Variants in ZSWIM4 observed in about 807,000 individuals in gnomAD.
The protein encoded by ZSWIM4 is zinc finger SWIM-type containing 4.
In ZSWIM4, 62 loss-of-function variants were observed where a neutral mutation model predicts 102.5. That is an observed-to-expected ratio of 0.60 (90% CI 0.49 to 0.75). ZSWIM4 has a LOEUF of 0.75. Among genes scored for constraint, ZSWIM4 ranks in the 30% least tolerant of loss-of-function variants. ZSWIM4 has a pLI of 0.00. For missense variants in ZSWIM4, 1,280 were observed against 1,529.6 expected, an observed-to-expected ratio of 0.84 and a Z score of 2.72; for synonymous variants, 652 against 674.5, an observed-to-expected ratio of 0.97 and a Z score of 0.52.
In ZSWIM4 at chr19:13,830,668, CTG is replaced by C. The variant is rs1405239140; in HGVS notation, c.2940_2941del (p.Ala981HisfsTer184). ...CACTCCCTGGGCCGGCACGAGCTCT[CTG>C]CCATCGTCCCCCTCATCATTCGCAG... On this transcript the variant is annotated frameshift_variant, in exon 14 of 14. Transcript: ENST00000590508. LOFTEE classifies it high-confidence loss of function. The C allele has an allele frequency of 6.2e-7, 1 of 1,604,074 alleles. No homozygotes were observed. The highest frequency in any genetic ancestry group is 1.7e-5 in the Admixed American group (1 of 60,002).
chr19:13,817,089 C>T, intron 7 of ZSWIM4, 127 bp from the exon 8 acceptor site: 1 of 1,336,404 alleles, frequency 7.5e-7, no homozygotes. Flanking sequence ...TTGAAGGTGA[C>T]CATTGGGTGA....
Position 13,813,088 on chromosome 19 carries a change from C to G in ZSWIM4, c.1104C>G (p.Leu368=), listed in dbSNP as rs141101449. 1.9e-6 allele frequency: 3 copies of G among 1,613,942 alleles called. No homozygotes were observed. Among genetic ancestry groups the G allele is most frequent in the South Asian group, 2.2e-5 (2 of 91,054 alleles). Residue 368 remains leucine, a synonymous_variant, in exon 6 of 14, where the codon CTC becomes CTG. Transcript: ENST00000590508. The part of the protein sequence containing the change: ...WLQLLSRWDK[L]DVCPLEEGNY... ...AGCTACTCAGCAGGTGGGACAAGCT[C>G]GACGTCTGCCCACTGGAAGAGGGCA...
rs375505455 is a variant in ZSWIM4, at chr19:13,813,190, C to T, written c.1180+26C>T. On this transcript the variant is annotated intron_variant, in intron 6 of 13. Coordinates refer to ENST00000590508, the MANE Select transcript of ZSWIM4 (RefSeq NM_001367834.3). ...GTAGGAGAGAGGGGTCTTTACCATG[C>T]CCCCCAAAAACCATCACCACTAACT... is the stretch of plus-strand genomic sequence containing the variant. The T allele has an allele frequency of 3.2e-6, 5 of 1,574,974 alleles. No individual in the cohort carries two copies. The African/African-American group carries it at 4.1e-5, about 13-fold the overall frequency.
rs1975765887 is a variant in ZSWIM4, at chr19:13,831,470, C to G, written c.*420C>G. ...ACCCTGGGTGGCCAAGGGTCCTCCC[C>G]CACCCCCTACTGCTCAGGGCCCCCC... On this transcript the variant is annotated 3_prime_UTR_variant, in exon 14 of 14. Coordinates refer to ENST00000590508, the MANE Select transcript of ZSWIM4 (RefSeq NM_001367834.3). The G allele has an allele frequency of 6.1e-6, 1 of 163,200 alleles. No individual in the cohort carries two copies. Among genetic ancestry groups the G allele is most frequent in the African/African-American group, 2.4e-5 (1 of 41,514 alleles). 10.1% of individuals were successfully genotyped at this position (163,200 alleles called of 1,614,324 possible). A position where few individuals can be genotyped will look rare whatever the true frequency, so the allele number is the denominator to read the frequency against.
At chr19:13,823,598 A>C in intron 11 of ZSWIM4, 98 bp downstream of exon 11, 2 of 1,395,260 alleles carry the variant, frequency 1.4e-6, no homozygotes, top group Non-Finnish European at 1.9e-6. Flanking sequence ...TCCTTTCACA[A>C]ACTTCCCCCT....
chr19:13,812,910 C>G (rs1975145715), intron 5 of ZSWIM4, 87 bp from the exon 6 acceptor site: 1 of 1,416,942 alleles, frequency 7.1e-7, no homozygotes. Context: ...GTTAGCAGAT[C>G]ATCAGGTGGC....
At chr19:13,821,453 G>A (rs1484432138) in intron 10 of ZSWIM4, among the ~76,000 whole-genome samples, 1 of 152,130 alleles carries the variant, frequency 6.6e-6, no homozygotes, top group Admixed American at 6.6e-5. Flanking sequence ...AGGATTGCTT[G>A]AGCCCAGGAA....
rs758971289 is a variant in ZSWIM4 at position 13,828,641 on chromosome 19, G to T, written c.2380-4G>T. 1 of 1,613,870 alleles carries T rather than the reference G, an allele frequency of 6.2e-7. No individual in the cohort carries two copies. The highest frequency in any genetic ancestry group is 1.3e-5 in the African/African-American group (1 of 74,900). On this transcript the variant is annotated splice_region_variant and splice_polypyrimidine_tract_variant and intron_variant, in intron 12 of 13. Transcript: ENST00000590508. ...ACCCCCTTCTCCCCACCCCTACCTT[G>T]CAGGTGATGCGGATGACTCTGAACG... is the stretch of plus-strand genomic sequence containing the variant.
At chr19:13,810,021 C>G (rs1975032545) in intron 5 of ZSWIM4, among the ~76,000 whole-genome samples, 1 of 150,170 alleles carries the variant, frequency 6.7e-6, no homozygotes, top group African/African-American at 2.5e-5. Context: ...GAGTCTCGCT[C>G]TGTCATCCAG....
chr19:13,818,116 C>T (rs527718419), intron 9 of ZSWIM4, 140 bp downstream of exon 9: 196 of 1,353,628 alleles, frequency 1.4e-4, no homozygotes, highest in Middle Eastern at 2.7e-4. Context: ...ACTGTCCCCT[C>T]ATACCTTGGC....
intron 13 of ZSWIM4, among the ~76,000 whole-genome samples, chr19:13,828,955 C>G (rs755644416): frequency 1.3e-5 from 2 of 151,914 alleles, no homozygotes; most frequent in African/African-American, 4.8e-5. Context: ...TAAAAATTAG[C>G]TGGGCGTGGT....
intron 10 of ZSWIM4, among the ~76,000 whole-genome samples, chr19:13,820,909 CAAAAAAA>C (rs34029534): frequency 9.8e-6 from 1 of 102,558 alleles, no homozygotes; most frequent in African/African-American, 3.3e-5. Context: ...ACGCAATTTC[CAAAAAAA>C]AAAAAAAAAG....
rs755255661 is a variant in ZSWIM4 at position 13,817,366 on chromosome 19, G to A, written c.1669+13G>A. 1 of 1,608,336 alleles carries A rather than the reference G, an allele frequency of 6.2e-7. No individual in the cohort carries two copies. Among genetic ancestry groups the A allele is most frequent in the Non-Finnish European group, 8.5e-7 (1 of 1,176,046 alleles). ...ACCCTTTACCCAGGTACTCACATGG[G>A]GTACTCTTGGAGGAGGTGGGACAAC... On this transcript the variant is annotated intron_variant, in intron 8 of 13. Transcript: ENST00000590508.
At position 13,805,008 on chromosome 19, in the gene ZSWIM4, C is replaced by A. The variant is rs371500986; in HGVS notation, c.572C>A (p.Thr191Lys). The A allele has an allele frequency of 8.7e-6, 14 of 1,612,340 alleles. No individual in the cohort carries two copies. In the Admixed American group the frequency reaches 1.5e-4, roughly 17 times the overall value. Residue 191 changes from threonine (T) to lysine (K), a missense_variant, in exon 3 of 14, where the codon ACG (threonine) becomes AAG (lysine). Transcript: ENST00000590508. ...QVELRLPISETLSQMNRDQLQ... is the reference protein window; with the variant it reads ...QVELRLPISEKLSQMNRDQLQ... ...GAGCTGCGGCTGCCCATCTCCGAGA[C>A]GCTCTCCCAGATGAACCGGGACCAG...
chr19:13,821,748 T>A (rs1289191815), intron 10 of ZSWIM4, among the ~76,000 whole-genome samples: 1 of 151,442 alleles, frequency 6.6e-6, no homozygotes, highest in Admixed American at 6.6e-5. Context: ...AGAGGGAGTC[T>A]CACTTTCTCG....
At position 13,828,696 on chromosome 19, in the gene ZSWIM4, C is replaced by G; in HGVS notation, c.2431C>G (p.Arg811Gly). Residue 811 changes from arginine (R) to glycine (G), a missense_variant, in exon 13 of 14, where the codon CGC becomes GGC. Transcript: ENST00000590508. ...GACCTGGCGGCGGAGGGAGATGGTG[C>G]GCTGGCTGGTCAGCTGTGCCACAGA... Reference protein sequence around the residue: ...VMTWRRREMVRWLVSCATEIG... With the variant: ...VMTWRRREMVGWLVSCATEIG... 6.2e-7 allele frequency: 1 copy of G among 1,614,132 alleles called. No homozygotes were observed. The highest frequency in any genetic ancestry group is 8.5e-7 in the Non-Finnish European group (1 of 1,180,012).
intron 1 of ZSWIM4, among the ~76,000 whole-genome samples, chr19:13,797,912 C>T (rs1974653802): frequency 1.3e-5 from 2 of 152,216 alleles, no homozygotes; most frequent in African/African-American, 4.8e-5. Flanking sequence ...CTTGGCCTCC[C>T]TCCCAAAGTG....
At chr19:13,803,326 C>T (rs946539406) in intron 2 of ZSWIM4, among the ~76,000 whole-genome samples, 3 of 152,234 alleles carry the variant, frequency 2.0e-5, no homozygotes, top group Non-Finnish European at 4.4e-5. Context: ...ACACCTGGCC[C>T]CTGGCTTACT....
rs775330513 is a variant in ZSWIM4, at chr19:13,825,657, G to C, written c.2323G>C (p.Val775Leu). ...GGACGCCTGCAAGACAGCCACCCCG[G>C]TCAGCGCCCCACCAGACACCACGCT... ...AQDACKTATPVSAPPDTTLLG... is the reference protein window; with the variant it reads ...AQDACKTATPLSAPPDTTLLG... The change falls in exon 12 of 14, where the codon GTC becomes CTC. Residue 775 changes from valine to leucine, a missense_variant. Physicochemically the swap from Val to Leu is conservative, Grantham distance 32. Coordinates refer to ENST00000590508, the MANE Select transcript of ZSWIM4 (RefSeq NM_001367834.3). The surrounding 1 kb of genome is among the most constrained non-coding windows in gnomAD (Gnocchi z 4.6). The C allele has an allele frequency of 6.2e-7, 1 of 1,613,500 alleles. No homozygotes were observed. Among genetic ancestry groups the C allele is most frequent in the African/African-American group, 1.3e-5 (1 of 75,066 alleles).
Sources: allele counts gnomAD v4.1 joint callset (sites outside exome capture counted in the v4.1 genomes callset), GRCh38; gene constraint gnomAD v4.1.1; non-coding constraint Gnocchi (gnomAD v3.1); transcripts MANE v1.5; gene names NCBI Gene and HGNC (gene_info 2026-07-23, HGNC 2026-07-21).